The following DOCK7 variants were observed in gnomAD, a reference collection of about 807,000 sequenced individuals.
The protein encoded by DOCK7 is dedicator of cytokinesis 7.
A neutral mutation model predicts 271.0 loss-of-function variants in DOCK7; 138 were observed. The observed-to-expected ratio is 0.51, with a 90% CI of 0.44 to 0.59. DOCK7 has a LOEUF of 0.59. Among genes scored for constraint, DOCK7 ranks in the 20% least tolerant of loss-of-function variants. The pLI, the probability that DOCK7 is intolerant of heterozygous loss-of-function variation, is 0.00. For missense variants in DOCK7, 2,066 were observed against 2,592.4 expected, an observed-to-expected ratio of 0.80 and a Z score of 4.41; for synonymous variants, 823 against 876.1, an observed-to-expected ratio of 0.94 and a Z score of 1.07.
intron 48 of DOCK7, among the ~76,000 whole-genome samples, chr1:62,464,606 C>T (rs1039226996): frequency 4.6e-5 from 7 of 151,726 alleles, no homozygotes; most frequent in Admixed American, 2.0e-4. Context: ...CGCTTGAACC[C>T]GGGAGGTAGA....
At position 62,625,250 on chromosome 1, in the gene DOCK7, G is replaced by A; in HGVS notation, c.1425+9C>T. On this transcript the variant is annotated intron_variant, in intron 12 of 49. Coordinates refer to ENST00000635253, the MANE Select transcript of DOCK7 (RefSeq NM_001367561.1). ...ATCTCCCCAAAATTCCTACATGACA[G>A]AACAATACCTGCTTAAAAAAATTTG... 6.2e-7 allele frequency: 1 copy of A among 1,613,430 alleles called. No individual in the cohort carries two copies. Among genetic ancestry groups the A allele is most frequent in the Non-Finnish European group, 8.5e-7 (1 of 1,179,782 alleles).
chr1:62,469,603 G>C (rs909122097), intron 48 of DOCK7, among the ~76,000 whole-genome samples: 1 of 152,066 alleles, frequency 6.6e-6, no homozygotes, highest in Non-Finnish European at 1.5e-5. Flanking sequence ...ATGGCAAAAG[G>C]AACAGTCAGC....
Position 62,455,104 on chromosome 1 carries a change from A to C in DOCK7, c.*310T>G, listed in dbSNP as rs1162416025. ...AAATGAATCTATAAATGGTAATATA[A>C]ATTAAAAAATACGAACTTAAAGTGA... On this transcript the variant is annotated 3_prime_UTR_variant, in exon 50 of 50. Coordinates refer to ENST00000635253, the MANE Select transcript of DOCK7 (RefSeq NM_001367561.1). 1.9e-6 allele frequency: 1 copy of C among 515,174 alleles called. No individual in the cohort carries two copies. 31.9% of individuals were successfully genotyped at this position (515,174 alleles called of 1,614,324 possible).
intron 24 of DOCK7, 98 bp downstream of exon 24, chr1:62,543,558 C>A: frequency 1.2e-6 from 1 of 827,178 alleles, no homozygotes; most frequent in Admixed American, 2.2e-5. Flanking sequence ...AATGCAATTA[C>A]TGTAAGTATC....
At chr1:62,511,822 A>G (rs547805904) in intron 33 of DOCK7, among the ~76,000 whole-genome samples, 16 of 152,136 alleles carry the variant, frequency 1.1e-4, no homozygotes, top group African/African-American at 3.8e-4. Context: ...ATATTCTATC[A>G]TTTACATTTT....
intron 8 of DOCK7, 174 bp from the exon 9 acceptor site, chr1:62,635,096 T>C (rs1655095584): frequency 4.8e-6 from 2 of 414,296 alleles, no homozygotes; most frequent in Non-Finnish European, 8.6e-6. Flanking sequence ...ATTAAATTTC[T>C]ATTTTCTTTT....
intron 43 of DOCK7, chr1:62,482,553 G>C (rs1646159095): frequency 6.6e-6 from 1 of 152,064 alleles, no homozygotes; most frequent in Non-Finnish European, 1.5e-5. Context: ...AGGCTTAGGT[G>C]ATTCACCTGC....
chr1:62,621,411 T>C (rs1213763893), intron 12 of DOCK7, among the ~76,000 whole-genome samples: 1 of 152,216 alleles, frequency 6.6e-6, no homozygotes, highest in African/African-American at 2.4e-5. Flanking sequence ...AGTCAGTCTT[T>C]AGATTTTATC....
intron 48 of DOCK7, among the ~76,000 whole-genome samples, chr1:62,471,624 A>C (rs1645833170): frequency 6.6e-6 from 1 of 151,958 alleles, no homozygotes; most frequent in Non-Finnish European, 1.5e-5. Context: ...ACTGCACTAC[A>C]GAGTCTGGGC....
At chr1:62,544,835 C>G in intron 23 of DOCK7, 112 bp downstream of exon 23, 1 of 801,282 alleles carries the variant, frequency 1.2e-6, no homozygotes, top group Non-Finnish European at 1.9e-6. Flanking sequence ...AAAATACACA[C>G]TTTTTAATGA....
intron 4 of DOCK7, among the ~76,000 whole-genome samples, chr1:62,651,438 T>A (rs1657350806): frequency 8.3e-6 from 1 of 121,204 alleles, no homozygotes. Context: ...ACCCTAGAAC[T>A]TAAAGTATAA....
intron 18 of DOCK7, among the ~76,000 whole-genome samples, chr1:62,566,609 G>A (rs1293085123): frequency 1.3e-5 from 2 of 152,046 alleles, no homozygotes; most frequent in African/African-American, 4.8e-5. Flanking sequence ...GAAAACCTAG[G>A]CAATACCATT....
At chr1:62,480,784 G>A (rs760521637) in intron 43 of DOCK7, among the ~76,000 whole-genome samples, 28 of 152,130 alleles carry the variant, frequency 1.8e-4, no homozygotes, top group Non-Finnish European at 3.4e-4. Flanking sequence ...CAAGGCGGGG[G>A]GGATCACGAG....
intron 10 of DOCK7, among the ~76,000 whole-genome samples, chr1:62,633,066 T>A (rs1654818290): frequency 6.6e-6 from 1 of 152,176 alleles, no homozygotes; most frequent in Non-Finnish European, 1.5e-5. Context: ...TTTTACTATA[T>A]TCCTTAATAA....
chr1:62,669,174 A>G (rs564257965), intron 1 of DOCK7, among the ~76,000 whole-genome samples: 12 of 152,292 alleles, frequency 7.9e-5, no homozygotes, highest in African/African-American at 2.9e-4. Context: ...CTTCCAGGAG[A>G]CAAATTCAGA....
At chr1:62,579,502 G>A (rs986875590) in intron 16 of DOCK7, among the ~76,000 whole-genome samples, 8 of 151,962 alleles carry the variant, frequency 5.3e-5, no homozygotes, top group African/African-American at 1.7e-4. Context: ...AGGCTGTGGC[G>A]TCAGGATCAC....
At chr1:62,594,437 C>G (rs1571689186) in intron 14 of DOCK7, among the ~76,000 whole-genome samples, 1 of 151,980 alleles carries the variant, frequency 6.6e-6, no homozygotes, top group South Asian at 2.1e-4. Flanking sequence ...ATTACCTCTA[C>G]TCTGTCAGTG....
At chr1:62,509,174 G>T (rs1192198915) in intron 34 of DOCK7, among the ~76,000 whole-genome samples, 1 of 151,846 alleles carries the variant, frequency 6.6e-6, no homozygotes, top group Non-Finnish European at 1.5e-5. Flanking sequence ...TTATTTGGGC[G>T]TGGTGGTGCA....
intron 7 of DOCK7, among the ~76,000 whole-genome samples, chr1:62,643,488 T>G (rs1656283391): frequency 6.6e-6 from 1 of 152,246 alleles, no homozygotes; most frequent in Non-Finnish European, 1.5e-5. Flanking sequence ...AAATCAGCTG[T>G]TAGGCTAATT....
Sources: gnomAD v4.1 joint callset for allele counts (sites outside exome capture counted in the v4.1 genomes callset) on GRCh38, gnomAD v4.1.1 for gene constraint, MANE v1.5 for transcripts, NCBI Gene and HGNC (gene_info 2026-07-23, HGNC 2026-07-21) for gene names.